The following CRCP variants were observed in gnomAD, a reference collection of about 807,000 sequenced individuals.
CRCP encodes DNA-directed RNA polymerase III subunit RPC9.
A neutral mutation model predicts 18.5 loss-of-function variants in CRCP; 18 were observed. The ratio of observed to expected loss-of-function variants is 0.97; its 90% confidence interval spans 0.67 to 1.44. CRCP has a LOEUF of 1.44. Among genes scored for constraint, CRCP ranks in the 40% most tolerant of loss-of-function variants. The pLI is 0.00. For synonymous variants in CRCP, 53 were observed against 62.9 expected (o/e 0.84, Z 0.75); for missense variants, 130 against 176.4 (o/e 0.74, Z 1.49).
intron 1 of CRCP, among the ~76,000 whole-genome samples, chr7:66,123,055 CG>C (rs1787498907): frequency 6.6e-6 from 1 of 151,252 alleles, no homozygotes; most frequent in African/African-American, 2.4e-5. Flanking sequence ...CCCGGGTTCA[CG>C]CCATTCTCCT....
rs1020838921 is a variant in CRCP at position 66,130,156 on chromosome 7, A to C, written c.46-588A>C. On this transcript the variant is annotated intron_variant, in intron 2 of 5. Coordinates refer to ENST00000395326, the MANE Select transcript of CRCP (RefSeq NM_014478.5). ...AGTCTCGCTCTGTCACCCAGGCTGG[A>C]GTACAGTGGCACCATCCAGGCTCAC... is the stretch of plus-strand genomic sequence containing the variant. 15 of 242,104 alleles carry C rather than the reference A, an allele frequency of 6.2e-5. No individual in the cohort carries two copies. In the Admixed American group the frequency reaches 1.2e-3, roughly 20 times the overall value. 15.0% of individuals were successfully genotyped at this position (242,104 alleles called of 1,614,324 possible). A position where few individuals can be genotyped will look rare whatever the true frequency, so the allele number is the denominator to read the frequency against.
rs113851947 is a variant in CRCP, at chr7:66,124,769, T to C, written c.9-2935T>C. ...TACTGAACCATTAGAGAGTTGTAGA[T>C]AGCAGATCATTTCACCCCTTCTTGA... is the stretch of plus-strand genomic sequence containing the variant. On this transcript the variant is annotated intron_variant, in intron 1 of 5. Transcript: ENST00000395326. Among the ~76,000 whole-genome samples, 1,179 of 127,264 alleles carry C rather than the reference T, an allele frequency of 9.3e-3. 49 individuals are homozygous for C. The highest frequency in any genetic ancestry group is 0.028 in the African/African-American group (1,106 of 39,856). The allele number at this position is 127,264 out of a possible 152,430, so 83.5% of individuals were successfully genotyped here. A position where few individuals can be genotyped will look rare whatever the true frequency, so the allele number is the denominator to read the frequency against.
intron 4 of CRCP, among the ~76,000 whole-genome samples, chr7:66,142,808 G>A (rs1339437745): frequency 5.3e-5 from 8 of 152,070 alleles, no homozygotes; most frequent in Non-Finnish European, 7.4e-5. Flanking sequence ...CTCCTGGCCC[G>A]TTAAATGGAG....
intron 4 of CRCP, among the ~76,000 whole-genome samples, chr7:66,142,270 T>C (rs1017657410): frequency 1.3e-5 from 2 of 152,142 alleles, no homozygotes; most frequent in Non-Finnish European, 2.9e-5. Context: ...CTCCTGGAAT[T>C]TCAGCCTCTC....
At chr7:66,150,144 G>T (rs1310270985) in intron 5 of CRCP, among the ~76,000 whole-genome samples, 1 of 151,300 alleles carries the variant, frequency 6.6e-6, no homozygotes, top group African/African-American at 2.4e-5. Flanking sequence ...GGCCGGGCGC[G>T]GTGGCTAACT....
intron 4 of CRCP, among the ~76,000 whole-genome samples, chr7:66,144,668 A>G: frequency 6.6e-6 from 1 of 152,004 alleles, no homozygotes; most frequent in South Asian, 2.1e-4. Context: ...ATTTTTTTGT[A>G]AGGTTTTTTA....
intron 4 of CRCP, among the ~76,000 whole-genome samples, chr7:66,143,825 C>T (rs1788209259): frequency 6.6e-6 from 1 of 152,158 alleles, no homozygotes; most frequent in South Asian, 2.1e-4. Flanking sequence ...TGTAGTTCCA[C>T]ATGGAAAGCA....
At chr7:66,133,120 A>G (rs1787858715) in intron 3 of CRCP, among the ~76,000 whole-genome samples, 1 of 152,136 alleles carries the variant, frequency 6.6e-6, no homozygotes, top group South Asian at 2.1e-4. Context: ...CCTTTGCTTA[A>G]GCTTTTAACC....
At chr7:66,120,076 C>T (rs572461932) in intron 1 of CRCP, among the ~76,000 whole-genome samples, 12 of 151,686 alleles carry the variant, frequency 7.9e-5, no homozygotes, top group African/African-American at 2.4e-4. Context: ...CAGCTACTAT[C>T]GGGAGGCTGA....
chr7:66,120,925 T>C (rs989446655), intron 1 of CRCP, among the ~76,000 whole-genome samples: 1 of 151,960 alleles, frequency 6.6e-6, no homozygotes, highest in African/African-American at 2.4e-5. Flanking sequence ...ATTGTACCTC[T>C]ATCAGACACT....
Position 66,153,549 on chromosome 7 carries a change from A to G in CRCP, c.*1192A>G, listed in dbSNP as rs1212583254. 6.6e-6 allele frequency: 1 copy of G among 152,154 alleles called. No homozygotes were observed. The highest frequency in any genetic ancestry group is 1.5e-5 in the Non-Finnish European group (1 of 68,022). 9.4% of individuals were successfully genotyped at this position (152,154 alleles called of 1,614,324 possible). On this transcript the variant is annotated 3_prime_UTR_variant, in exon 6 of 6. Coordinates refer to ENST00000395326, the MANE Select transcript of CRCP (RefSeq NM_014478.5). ...GGTTGTTGCCTTAGGTCCTGCGAAT[A>G]TTGCTGAAAATCGGATTTTCCACAT...
At chr7:66,123,980 G>A (rs1336302580) in intron 1 of CRCP, among the ~76,000 whole-genome samples, 1 of 141,894 alleles carries the variant, frequency 7.0e-6, no homozygotes, top group African/African-American at 2.6e-5. Flanking sequence ...GGGAGGCGGA[G>A]CTTGCAGTGA....
rs755657534 is a variant in CRCP, at chr7:66,145,512, G to A, written c.297+12G>A. 1 of 1,613,842 alleles carries A rather than the reference G, an allele frequency of 6.2e-7. No homozygotes were observed. The highest frequency in any genetic ancestry group is 2.2e-5 in the East Asian group (1 of 44,868). On this transcript the variant is annotated intron_variant, in intron 5 of 5. Coordinates refer to ENST00000395326, the MANE Select transcript of CRCP (RefSeq NM_014478.5). ...TGGAGATCCAGCTGGTGAGTGAAGG[G>A]CGCCTGTGCTGGGGAGGCTGCTGTG...
chr7:66,148,457 T>A (rs1206454857), intron 5 of CRCP, among the ~76,000 whole-genome samples: 3 of 152,188 alleles, frequency 2.0e-5, no homozygotes, highest in Non-Finnish European at 4.4e-5. Context: ...ACTAGAGCCA[T>A]TTTTTCTCCC....
chr7:66,139,049 A>G (rs1455825835), intron 4 of CRCP, among the ~76,000 whole-genome samples: 23 of 152,136 alleles, frequency 1.5e-4, no homozygotes, highest in Non-Finnish European at 1.5e-5. Flanking sequence ...ATACTGCTGT[A>G]CAGGTCTTTG....
At chr7:66,142,095 C>A (rs1788158450) in intron 4 of CRCP, among the ~76,000 whole-genome samples, 1 of 152,178 alleles carries the variant, frequency 6.6e-6, no homozygotes, top group Admixed American at 6.5e-5. Context: ...TCCCTCTTCA[C>A]GTGGAGACCT....
At chr7:66,139,545 G>A (rs1021761671) in intron 4 of CRCP, among the ~76,000 whole-genome samples, 1 of 152,192 alleles carries the variant, frequency 6.6e-6, no homozygotes, top group Non-Finnish European at 1.5e-5. Flanking sequence ...GGACATTTGA[G>A]TATTATATTG....
chr7:66,115,970 A>T (rs185579599), intron 1 of CRCP, among the ~76,000 whole-genome samples: 253 of 152,076 alleles, frequency 1.7e-3, no homozygotes, highest in African/African-American at 5.6e-3. Flanking sequence ...CTAATTTTTT[A>T]AAAAAAGTTT....
intron 3 of CRCP, among the ~76,000 whole-genome samples, chr7:66,134,039 T>G (rs1584081510): frequency 6.6e-6 from 1 of 151,880 alleles, no homozygotes; most frequent in Middle Eastern, 3.4e-3. Context: ...TTTGTATTTT[T>G]GGTAGAGATG....
Sources: allele counts gnomAD v4.1 joint callset (sites outside exome capture counted in the v4.1 genomes callset), GRCh38; gene constraint gnomAD v4.1.1; transcripts MANE v1.5; gene names NCBI Gene and HGNC (gene_info 2026-07-23, HGNC 2026-07-21).